The following DPP6 variants were observed in gnomAD, a reference collection of about 807,000 sequenced individuals.
The protein encoded by DPP6 is A-type potassium channel modulatory protein DPP6.
In DPP6, 69 loss-of-function variants were observed where a neutral mutation model predicts 122.6. The ratio of observed to expected loss-of-function variants is 0.56; its 90% confidence interval spans 0.46 to 0.69. The LOEUF (loss-of-function observed/expected upper bound fraction) is 0.69. Among genes scored for constraint, DPP6 ranks in the 30% least tolerant of loss-of-function variants. The probability of loss-of-function intolerance (pLI) is 0.00; values close to 1 mark genes in which losing one functional copy is unlikely to be tolerated. For synonymous variants in DPP6, 418 were observed against 433.1 expected, an observed-to-expected ratio of 0.97 and a Z score of 0.43; for missense variants, 928 against 1,116.9, an observed-to-expected ratio of 0.83 and a Z score of 2.41.
chr7:154,625,060 A>G (rs533348288), intron 5 of DPP6, among the ~76,000 whole-genome samples: 2 of 152,368 alleles, frequency 1.3e-5, no homozygotes, highest in African/African-American at 4.8e-5. Context: ...GGGCAGGTCA[A>G]CAGCTTAAAG....
intron 4 of DPP6, among the ~76,000 whole-genome samples, chr7:154,561,072 G>A (rs1240887078): frequency 2.0e-5 from 3 of 152,166 alleles, no homozygotes; most frequent in Non-Finnish European, 4.4e-5. Context: ...TCCTAAAGAT[G>A]TATGCAGCTA....
rs376336221 is a variant in DPP6 at position 154,795,784 on chromosome 7, C to CA, written c.1261-49dup. On this transcript the variant is annotated intron_variant, in intron 11 of 25. Transcript: ENST00000377770. ...CTGTCGGTCACAGACACAATACATGCAAAAAAAAAAAAGAAAAGAAAAGAA... is the reference window on the plus strand; with the variant it reads ...CTGTCGGTCACAGACACAATACATGCAAAAAAAAAAAAAGAAAAGAAAAGAA... The CA allele has an allele frequency of 0.055, 60,145 of 1,088,736 alleles. 97 individuals are homozygous for CA. Among genetic ancestry groups the CA allele is most frequent in the East Asian group, 0.13 (3,909 of 29,012 alleles). The allele number at this position is 1,088,736 out of a possible 1,614,324, so 67.4% of individuals were successfully genotyped here. A position where few individuals can be genotyped will look rare whatever the true frequency, so the allele number is the denominator to read the frequency against.
chr7:153,927,834 C>T (rs922796833), intron 1 of DPP6, among the ~76,000 whole-genome samples: 2 of 152,116 alleles, frequency 1.3e-5, no homozygotes, highest in African/African-American at 2.4e-5. Context: ...GGATACCTTG[C>T]CCTACCCATC....
At chr7:154,442,235 T>A (rs4725542) in intron 1 of DPP6, among the ~76,000 whole-genome samples, 2,694 of 152,306 alleles carry the variant, frequency 0.018, 31 homozygotes, top group Non-Finnish European at 0.022. Context: ...AAGGTAACTG[T>A]GTCCTTAAGT....
chr7:153,951,832 C>T lies in DPP6; in HGVS notation c.51+64098C>T, dbSNP rs369493609. ...CTGAGGTGTGGGGATCACCTGAGCT[C>T]AGGAGTTCAATACCAGCCTGGTCAA... On this transcript the variant is annotated intron_variant, in intron 1 of 25. Transcript: ENST00000404039. 1.3e-4 allele frequency among the ~76,000 whole-genome samples: 20 copies of T among 152,194 alleles called. No homozygotes were observed. The East Asian group carries it at 3.7e-3, about 28-fold the overall frequency.
intron 1 of DPP6, among the ~76,000 whole-genome samples, chr7:153,955,128 A>T (rs1249178373): frequency 6.6e-6 from 1 of 152,170 alleles, no homozygotes; most frequent in Non-Finnish European, 1.5e-5. Flanking sequence ...GTTCTGTCAT[A>T]ATGTTGTTAT....
At chr7:154,382,040 C>CT (rs1293217670) in intron 1 of DPP6, among the ~76,000 whole-genome samples, 1 of 145,750 alleles carries the variant, frequency 6.9e-6, no homozygotes, top group Non-Finnish European at 1.5e-5. Context: ...TTGAGTGGGG[C>CT]TTTTTTCTTT....
chr7:154,186,293 C>T (rs1041525058), intron 1 of DPP6, among the ~76,000 whole-genome samples: 2 of 152,198 alleles, frequency 1.3e-5, no homozygotes, highest in African/African-American at 4.8e-5. Flanking sequence ...GCTCTGGACT[C>T]TAAAAAGCTC....
At chr7:154,785,754 T>C (rs1398231832) in intron 10 of DPP6, among the ~76,000 whole-genome samples, 1 of 152,246 alleles carries the variant, frequency 6.6e-6, no homozygotes, top group Non-Finnish European at 1.5e-5. Flanking sequence ...TTAAAATCAA[T>C]AAATAGCATT....
chr7:153,828,723 G>T, the DPP6 span, among the ~76,000 whole-genome samples: 3 of 152,090 alleles, frequency 2.0e-5, no homozygotes, highest in Non-Finnish European at 2.9e-5. Context: ...GAAGAAGCTA[G>T]GAATTTGCAT....
intron 1 of DPP6, among the ~76,000 whole-genome samples, chr7:153,985,660 A>C (rs1796808911): frequency 6.6e-6 from 1 of 152,232 alleles, no homozygotes; most frequent in Non-Finnish European, 1.5e-5. Flanking sequence ...CAGTGGAAAC[A>C]TGAACTCTCC....
chr7:153,973,697 T>A (rs917163618), intron 1 of DPP6, among the ~76,000 whole-genome samples: 6 of 150,960 alleles, frequency 4.0e-5, no homozygotes, highest in African/African-American at 1.5e-4. Flanking sequence ...GATGTTTCAG[T>A]CTCTTCTCGT....
chr7:154,756,130 C>A (rs1442637760), intron 8 of DPP6, among the ~76,000 whole-genome samples: 1 of 152,216 alleles, frequency 6.6e-6, no homozygotes, highest in Non-Finnish European at 1.5e-5. Context: ...TCTTCTCCAA[C>A]TTCCCAGAAC....
At chr7:154,077,264 C>T (rs543426132) in intron 1 of DPP6, among the ~76,000 whole-genome samples, 1 of 152,314 alleles carries the variant, frequency 6.6e-6, no homozygotes, top group East Asian at 1.9e-4. Context: ...ACTCACTAGA[C>T]ACAGTACTCC....
chr7:154,489,154 T>C (rs1279163379), intron 3 of DPP6, among the ~76,000 whole-genome samples: 1 of 152,196 alleles, frequency 6.6e-6, no homozygotes. Context: ...AACAACTGCA[T>C]GGCCTGGTTG....
Position 154,063,154 on chromosome 7 carries a change from C to G in DPP6, c.243+10091C>G, listed in dbSNP as rs542976977. The stretch of plus-strand genomic sequence containing the variant: ...CCCCCACGAGAGTGGGGACTGAGAG[C>G]TATCCCCTTTTCCGCCCCTGGCTGT... On this transcript the variant is annotated intron_variant, in intron 1 of 25. Transcript: ENST00000377770. Among the ~76,000 whole-genome samples the G allele has an allele frequency of 3.5e-4, 44 of 127,014 alleles. 6 individuals carry two copies. Among genetic ancestry groups the G allele is most frequent in the Non-Finnish European group, 6.3e-4 (37 of 58,846 alleles). The allele number at this position is 127,014 out of a possible 152,430, so 83.3% of individuals were successfully genotyped here. A position where few individuals can be genotyped will look rare whatever the true frequency, so the allele number is the denominator to read the frequency against.
intron 1 of DPP6, among the ~76,000 whole-genome samples, chr7:154,127,572 AG>A (rs1326859540): frequency 6.8e-6 from 1 of 146,112 alleles, no homozygotes. Context: ...ATGCTGGGGG[AG>A]TTGGGGTAAA....
Position 154,399,543 on chromosome 7 carries a change from A to C in DPP6, c.244-46671A>C, listed in dbSNP as rs941941527. Among the ~76,000 whole-genome samples the C allele has an allele frequency of 2.6e-5, 4 of 152,240 alleles. No individual in the cohort carries two copies. The East Asian group carries it at 7.7e-4, about 29-fold the overall frequency. The stretch of plus-strand genomic sequence containing the variant: ...TTGGAACCTCCTAAACTCCAATGCC[A>C]GGTGTTAGTTTCTTTACATCTTTCT... On this transcript the variant is annotated intron_variant, in intron 1 of 25. Transcript: ENST00000377770.
chr7:153,986,956 G>T (rs1471980553), intron 1 of DPP6, among the ~76,000 whole-genome samples: 1 of 152,024 alleles, frequency 6.6e-6, no homozygotes, highest in African/African-American at 2.4e-5. Flanking sequence ...GGAAAAAAAA[G>T]AGGCTACTTA....
Sources: gnomAD v4.1 joint callset for allele counts (sites outside exome capture counted in the v4.1 genomes callset) on GRCh38, gnomAD v4.1.1 for gene constraint, MANE v1.5 for transcripts, NCBI Gene and HGNC (gene_info 2026-07-23, HGNC 2026-07-21) for gene names.